The following SLC19A1 variants were observed in gnomAD, a reference collection of about 807,000 sequenced individuals.
The protein encoded by SLC19A1 is reduced folate transporter.
Under a neutral mutation model 35.3 loss-of-function variants are expected in SLC19A1, and 37 were observed. That is an observed-to-expected ratio of 1.05 (90% confidence interval 0.81 to 1.38). The LOEUF is 1.38. Ranked by LOEUF, SLC19A1 falls within the 40% of genes most tolerant of loss-of-function variation. The probability of loss-of-function intolerance (pLI) is 0.00; values close to 1 mark genes in which losing one functional copy is unlikely to be tolerated. For missense variants in SLC19A1, 831 were observed against 826.9 expected, an observed-to-expected ratio of 1.00 and a Z score of -0.06; for synonymous variants, 460 against 398.5, an observed-to-expected ratio of 1.15 and a Z score of -1.84.
rs2077818993 is a variant in SLC19A1 at position 45,530,231 on chromosome 21, C to T, written c.1151+539G>A. On this transcript the variant is annotated intron_variant, in intron 4 of 5. Transcript: ENST00000311124. The surrounding 1 kb of genome is among the most constrained non-coding windows in gnomAD (Gnocchi z 5.3). Reference sequence around the variant, plus strand: ...TCCATGTGTGAACATGGTGTGTGTCCGTGTGTGTGGTGTGTTCATGTGCGA... The same window carrying T: ...TCCATGTGTGAACATGGTGTGTGTCTGTGTGTGTGGTGTGTTCATGTGCGA... Among the ~76,000 whole-genome samples, 3 of 147,450 alleles carry T rather than the reference C, an allele frequency of 2.0e-5. No individual in the cohort carries two copies. The highest frequency in any genetic ancestry group is 1.3e-4 in the Admixed American group (2 of 14,878).
At chr21:45,509,998 G>A (rs2037479681), downstream of SLC19A1, 10 of 1,510,518 alleles carry the variant, frequency 6.6e-6, no homozygotes, top group African/African-American at 1.4e-5. Context: ...CCGGGGTGGT[G>A]CGCCCGGGGC....
Position 45,519,476 on chromosome 21 carries a change from A to C in SLC19A1, c.1294-3336T>G, listed in dbSNP as rs181242217. ...CAAATATACCAAGATAGGAAGGTTG[A>C]AAGTAAAACGATGGAAAAAGATGTA... On this transcript the variant is annotated intron_variant, in intron 5 of 5. Transcript: ENST00000311124. Among the ~76,000 whole-genome samples the C allele has an allele frequency of 8.1e-3, 1,221 of 151,596 alleles. 4 individuals are homozygous for C. The highest frequency in any genetic ancestry group is 0.012 in the Non-Finnish European group (834 of 67,896).
chr21:45,507,090 G>GCA (rs2146098155), intron 3 of SLC19A1: 1 of 350,710 alleles, frequency 2.9e-6, no homozygotes, highest in East Asian at 5.9e-5. Flanking sequence ...GGCAGGGAGG[G>GCA]CAACCTGCCG....
At position 45,514,860 on chromosome 21, in the gene SLC19A1, C is replaced by T. The variant is rs573897642; in HGVS notation, c.*798G>A. Reference sequence around the variant, plus strand: ...AGCGCCCACCACAAAGGCAGCCCCCCCAAGGCTGCCCAGCCCAGGCAAGCC... The same window carrying T: ...AGCGCCCACCACAAAGGCAGCCCCCTCAAGGCTGCCCAGCCCAGGCAAGCC... On this transcript the variant is annotated 3_prime_UTR_variant, in exon 6 of 6. Transcript: ENST00000311124. 5 of 782,650 alleles carry T rather than the reference C, an allele frequency of 6.4e-6. No individual in the cohort carries two copies. The highest frequency in any genetic ancestry group is 5.8e-6 in the Non-Finnish European group (3 of 520,866). 48.5% of individuals were successfully genotyped at this position (782,650 alleles called of 1,614,324 possible). A position where few individuals can be genotyped will look rare whatever the true frequency, so the allele number is the denominator to read the frequency against.
intron 3 of SLC19A1, chr21:45,504,451 A>C: frequency 6.2e-7 from 1 of 1,611,560 alleles, no homozygotes; most frequent in Non-Finnish European, 8.5e-7. Context: ...CAGGACAGAA[A>C]GGCGAAAGGG....
At chr21:45,528,235 G>C (rs1195600704) in intron 4 of SLC19A1, among the ~76,000 whole-genome samples, 1 of 152,140 alleles carries the variant, frequency 6.6e-6, no homozygotes, top group Non-Finnish European at 1.5e-5. Context: ...CCAGCGCTGG[G>C]CAGGGCAGAG....
At chr21:45,558,052 C>T (rs564544820) in intron 1 of SLC19A1, among the ~76,000 whole-genome samples, 3 of 152,264 alleles carry the variant, frequency 2.0e-5, no homozygotes, top group East Asian at 1.9e-4. Context: ...CAGTCTGTGC[C>T]GAGTGGCTCC....
At chr21:45,535,299 G>A (rs1285766254) in intron 2 of SLC19A1, among the ~76,000 whole-genome samples, 2 of 152,232 alleles carry the variant, frequency 1.3e-5, no homozygotes, top group East Asian at 3.9e-4. Context: ...GCTCTCAGCT[G>A]ACACTCAAAG....
chr21:45,510,011 G>T, downstream of SLC19A1: 1 of 1,526,420 alleles, frequency 6.6e-7, no homozygotes, highest in Non-Finnish European at 8.8e-7. Flanking sequence ...CCCGGGGCCT[G>T]GGTGCAGGGG....
intron 5 of SLC19A1, among the ~76,000 whole-genome samples, chr21:45,522,414 TGGAAAGTGG>T (rs1437329259): frequency 6.6e-6 from 1 of 152,194 alleles, no homozygotes; most frequent in Non-Finnish European, 1.5e-5. Context: ...ACGACTGCTA[TGGAAAGTGG>T]GCTGCTTCCC....
chr21:45,552,146 G>A (rs2078472176), intron 1 of SLC19A1, among the ~76,000 whole-genome samples: 1 of 152,174 alleles, frequency 6.6e-6, no homozygotes, highest in Non-Finnish European at 1.5e-5. Flanking sequence ...GGCCTCCTCA[G>A]GAGGAGACAG....
chr21:45,512,583 T>A lies in SLC19A1; in HGVS notation c.*3075A>T. On this transcript the variant is annotated 3_prime_UTR_variant, in exon 6 of 6. Coordinates refer to ENST00000311124, the MANE Select transcript of SLC19A1 (RefSeq NM_194255.4). ...CAAAGAGTGTATTTTTTTAAAAGTT[T>A]AAAACAGAAGCCTGATGCTGACATT... The A allele has an allele frequency of 1.5e-6, 1 of 645,970 alleles. No homozygotes were observed. 40.0% of individuals were successfully genotyped at this position (645,970 alleles called of 1,614,324 possible).
intron 4 of SLC19A1, among the ~76,000 whole-genome samples, chr21:45,529,370 A>G (rs2077766198): frequency 6.6e-6 from 1 of 152,198 alleles, no homozygotes; most frequent in Admixed American, 6.5e-5. Context: ...CATAAGGCCC[A>G]GGGGGATGAC....
rs868558708 is a variant in SLC19A1, at chr21:45,532,581, G to A, written c.190-433C>T. Among the ~76,000 whole-genome samples, 12 of 151,766 alleles carry A rather than the reference G, an allele frequency of 7.9e-5. No homozygotes were observed. The South Asian group carries it at 1.7e-3, about 21-fold the overall frequency. ...CCCGAGTAGCTGAGATTACAGGTGC[G>A]TACCACCATGTCTGGCTAATTTTTG... On this transcript the variant is annotated intron_variant, in intron 2 of 5. Transcript: ENST00000311124.
chr21:45,509,102 T>C (rs994702435), downstream of SLC19A1, among the ~76,000 whole-genome samples: 1 of 152,074 alleles, frequency 6.6e-6, no homozygotes, highest in African/African-American at 2.4e-5. Context: ...GGTGAGTGAT[T>C]GCTGCGGCTT....
rs1299855978 is a variant in SLC19A1 at position 45,526,058 on chromosome 21, C to T, written c.1152-100G>A. 10 of 1,317,832 alleles carry T rather than the reference C, an allele frequency of 7.6e-6. No individual in the cohort carries two copies. In the South Asian group the frequency reaches 1.0e-4, roughly 14 times the overall value. The allele number at this position is 1,317,832 out of a possible 1,614,324, so 81.6% of individuals were successfully genotyped here. ...GGCTCCCACCAGCCCATGACCCGCC[C>T]GGCAGCCACGGGGTCCCAGGGCACG... On this transcript the variant is annotated intron_variant, in intron 4 of 5. Coordinates refer to ENST00000311124, the MANE Select transcript of SLC19A1 (RefSeq NM_194255.4).
chr21:45,518,363 G>A (rs770317629), intron 5 of SLC19A1, among the ~76,000 whole-genome samples: 1 of 152,126 alleles, frequency 6.6e-6, no homozygotes, highest in African/African-American at 2.4e-5. Context: ...CATTCCTTGT[G>A]GGACTATACA....
At chr21:45,504,468 C>G in intron 3 of SLC19A1, 1 of 1,609,458 alleles carries the variant, frequency 6.2e-7, no homozygotes, top group Non-Finnish European at 8.5e-7. Context: ...AGGGGGGAGC[C>G]CGGGGGCGGC....
chr21:45,524,943 C>T (rs1278974653), intron 5 of SLC19A1, among the ~76,000 whole-genome samples: 1 of 152,252 alleles, frequency 6.6e-6, no homozygotes, highest in Non-Finnish European at 1.5e-5. Flanking sequence ...GGCTCTGTGG[C>T]ACAGGGCCAC....
Sources: gnomAD v4.1 joint callset for allele counts (sites outside exome capture counted in the v4.1 genomes callset) on GRCh38, gnomAD v4.1.1 for gene constraint, Gnocchi (gnomAD v3.1) non-coding constraint, MANE v1.5 for transcripts, NCBI Gene and HGNC (gene_info 2026-07-23, HGNC 2026-07-21) for gene names.